Variants in RYR3 observed in about 807,000 individuals in gnomAD.
RYR3 encodes the protein brain ryanodine receptor-calcium release channel.
Under a neutral mutation model 584.3 loss-of-function variants are expected in RYR3, and 207 were observed. The ratio of observed to expected loss-of-function variants is 0.35; its 90% CI spans 0.32 to 0.40. RYR3 has a LOEUF of 0.40. Ranked by LOEUF, RYR3 falls within the 10% of genes least tolerant of loss-of-function variation. The pLI is 1.00. For synonymous variants in RYR3, 2,416 were observed against 2,248.5 expected (o/e 1.07, Z -2.11); for missense variants, 5,616 against 6,089.2 (o/e 0.92, Z 2.59).
chr15:33,778,719 T>G (rs549439478), intron 64 of RYR3, among the ~76,000 whole-genome samples: 4 of 152,318 alleles, frequency 2.6e-5, no homozygotes, highest in African/African-American at 4.8e-5. Flanking sequence ...ACAATAGGAC[T>G]GGTTTGTCCA....
chr15:33,865,738 A>AC lies in RYR3; in HGVS notation c.*514dup, dbSNP rs1890297833. The AC allele has an allele frequency of 6.5e-6, 1 of 153,630 alleles. No homozygotes were observed. The highest frequency in any genetic ancestry group is 2.4e-5 in the African/African-American group (1 of 41,458). 9.5% of individuals were successfully genotyped at this position (153,630 alleles called of 1,614,324 possible). A position where few individuals can be genotyped will look rare whatever the true frequency, so the allele number is the denominator to read the frequency against. On this transcript the variant is annotated 3_prime_UTR_variant, in exon 104 of 104. Transcript: ENST00000634891. ...TAAGCAGTTAAAGAAACAGAAAAAA[A>AC]CCGACACTTTGTCGACACTGAAATA...
chr15:33,852,081 G>T (rs1195810250), intron 94 of RYR3: 2 of 39,230 alleles, frequency 5.1e-5, no homozygotes, highest in African/African-American at 1.5e-4. Flanking sequence ...TCAGTGAATA[G>T]TAGGAGGTCT....
At chr15:33,748,686 A>G (rs1473183996) in intron 55 of RYR3, among the ~76,000 whole-genome samples, 156 bp downstream of exon 55, 1 of 152,230 alleles carries the variant, frequency 6.6e-6, no homozygotes, top group Non-Finnish European at 1.5e-5. Flanking sequence ...CCACAGGGAA[A>G]GTCTCTGCAG....
chr15:33,719,064 C>G (rs1032000283), intron 43 of RYR3, among the ~76,000 whole-genome samples: 4 of 152,230 alleles, frequency 2.6e-5, no homozygotes, highest in Non-Finnish European at 5.9e-5. Context: ...CTGTCTCTCC[C>G]TCCTAATCAT....
At chr15:33,410,627 G>A (rs2043334460) in intron 1 of RYR3, among the ~76,000 whole-genome samples, 1 of 152,190 alleles carries the variant, frequency 6.6e-6, no homozygotes, top group African/African-American at 2.4e-5. Flanking sequence ...TGGAATTGAG[G>A]CATAAATGTC....
At position 33,835,147 on chromosome 15, in the gene RYR3, T is replaced by C. The variant is rs1305025876; in HGVS notation, c.11568+75T>C. 3 of 1,138,402 alleles carry C rather than the reference T, an allele frequency of 2.6e-6. No individual in the cohort carries two copies. The African/African-American group carries it at 4.6e-5, about 17-fold the overall frequency. The allele number at this position is 1,138,402 out of a possible 1,614,324, so 70.5% of individuals were successfully genotyped here. A position where few individuals can be genotyped will look rare whatever the true frequency, so the allele number is the denominator to read the frequency against. On this transcript the variant is annotated intron_variant, in intron 87 of 103. Coordinates refer to ENST00000634891, the MANE Select transcript of RYR3 (RefSeq NM_001036.6). ...AGTCCTCACTCCTTGGTGTTCCCATTGTGATGTGGCTGCTTGATCAAAGGC... is the reference window on the plus strand; with the variant it reads ...AGTCCTCACTCCTTGGTGTTCCCATCGTGATGTGGCTGCTTGATCAAAGGC...
chr15:33,811,231 C>G (rs955624408), intron 72 of RYR3, among the ~76,000 whole-genome samples, 194 bp downstream of exon 72: 6 of 151,984 alleles, frequency 3.9e-5, no homozygotes, highest in African/African-American at 2.4e-5. Flanking sequence ...CATGGCTGGG[C>G]GCGGTGGCTC....
intron 2 of RYR3, among the ~76,000 whole-genome samples, chr15:33,487,941 A>G (rs750122292): frequency 2.0e-5 from 3 of 152,192 alleles, no homozygotes; most frequent in Non-Finnish European, 4.4e-5. Flanking sequence ...ACAGTCAAGG[A>G]ATGGAGAAGG....
At chr15:33,733,844 G>A (rs148242562) in intron 48 of RYR3, among the ~76,000 whole-genome samples, 2 of 152,296 alleles carry the variant, frequency 1.3e-5, no homozygotes, top group Admixed American at 1.3e-4. Context: ...AGGGATATAT[G>A]AGAACTCTGA....
At chr15:33,750,368 A>T in intron 57 of RYR3, 82 bp downstream of exon 57, 1 of 1,377,290 alleles carries the variant, frequency 7.3e-7, no homozygotes, top group Non-Finnish European at 1.0e-6. Flanking sequence ...AAACCCATCC[A>T]AGTAAGGAGA....
At chr15:33,516,637 G>A (rs148585786) in intron 3 of RYR3, among the ~76,000 whole-genome samples, 145 of 152,116 alleles carry the variant, frequency 9.5e-4, no homozygotes, top group Non-Finnish European at 1.7e-3. Flanking sequence ...CCCCTGGCCT[G>A]TAAGATCTAT....
At chr15:33,312,505 GC>G (rs1400754167) in intron 1 of RYR3, among the ~76,000 whole-genome samples, 1 of 152,010 alleles carries the variant, frequency 6.6e-6, no homozygotes, top group African/African-American at 2.4e-5. Context: ...ACACAAGATG[GC>G]CCCACAGTTG....
chr15:33,606,841 C>T (rs2059932618), intron 18 of RYR3, among the ~76,000 whole-genome samples: 1 of 152,092 alleles, frequency 6.6e-6, no homozygotes, highest in African/African-American at 2.4e-5. Context: ...TTTTCCTCCT[C>T]AGAATTGAAA....
At chr15:33,313,497 A>G (rs1029459878) in intron 1 of RYR3, among the ~76,000 whole-genome samples, 1 of 152,166 alleles carries the variant, frequency 6.6e-6, no homozygotes, top group Non-Finnish European at 1.5e-5. Context: ...ATCTCTGCAC[A>G]AAATTTTGAC....
rs1185844153 is a variant in RYR3 at position 33,827,188 on chromosome 15, G to C, written c.11246-11G>C. The C allele has an allele frequency of 1.9e-6, 3 of 1,551,316 alleles. No homozygotes were observed. The highest frequency in any genetic ancestry group is 2.6e-6 in the Non-Finnish European group (3 of 1,146,640). On this transcript the variant is annotated splice_polypyrimidine_tract_variant and intron_variant, in intron 84 of 103. Coordinates refer to ENST00000634891, the MANE Select transcript of RYR3 (RefSeq NM_001036.6). ...CAGGGACAAGCTCTGACCCAGCACTGGTGCTCTCAGACTTTCAGAACTTCC... is the reference window on the plus strand; with the variant it reads ...CAGGGACAAGCTCTGACCCAGCACTCGTGCTCTCAGACTTTCAGAACTTCC...
chr15:33,570,223 C>T (rs2057950884), intron 12 of RYR3, among the ~76,000 whole-genome samples: 1 of 151,960 alleles, frequency 6.6e-6, no homozygotes, highest in Admixed American at 6.6e-5. Context: ...CATTTAGGTC[C>T]GTGATCTATT....
intron 1 of RYR3, among the ~76,000 whole-genome samples, chr15:33,320,467 T>A (rs528271810): frequency 1.3e-5 from 2 of 152,338 alleles, no homozygotes; most frequent in East Asian, 3.9e-4. Context: ...GGAAGTTACA[T>A]AGATGAAAAA....
At chr15:33,653,307 T>A (rs1026345424) in intron 32 of RYR3, among the ~76,000 whole-genome samples, 3 of 152,170 alleles carry the variant, frequency 2.0e-5, no homozygotes, top group Non-Finnish European at 4.4e-5. Flanking sequence ...AAGGATTAAT[T>A]TGCCAGGAAA....
chr15:33,371,103 C>T (rs775621285), intron 1 of RYR3, among the ~76,000 whole-genome samples: 3 of 152,160 alleles, frequency 2.0e-5, no homozygotes, highest in Non-Finnish European at 2.9e-5. Flanking sequence ...TTAGCAAAAG[C>T]GTTCACACAC....
Sources: gnomAD v4.1 joint callset for allele counts (sites outside exome capture counted in the v4.1 genomes callset) on GRCh38, gnomAD v4.1.1 for gene constraint, MANE v1.5 for transcripts, NCBI Gene and HGNC (gene_info 2026-07-23, HGNC 2026-07-21) for gene names.